The following SLC15A5 variants were observed in gnomAD, a reference collection of about 807,000 sequenced individuals.
The protein encoded by SLC15A5 is Peptide/histidine transporter ENSP00000340402.
SLC15A5 carries 58 observed loss-of-function variants against 56.1 expected under a neutral mutation model. The observed-to-expected ratio is 1.03, with a 90% CI of 0.84 to 1.29. The LOEUF is 1.29. SLC15A5 is among the 50% of genes most tolerant of loss of function. The pLI is 0.00. For missense variants in SLC15A5, 681 were observed against 672.1 expected, an observed-to-expected ratio of 1.01 and a Z score of -0.15; for synonymous variants, 264 against 250.5, an observed-to-expected ratio of 1.05 and a Z score of -0.51.
intron 7 of SLC15A5, among the ~76,000 whole-genome samples, chr12:16,207,507 T>C (rs982721004): frequency 2.6e-5 from 4 of 152,150 alleles, no homozygotes; most frequent in African/African-American, 9.7e-5. Flanking sequence ...CTTTAGGCTA[T>C]TTAAAAATCT....
intron 3 of SLC15A5, among the ~76,000 whole-genome samples, chr12:16,246,039 A>G (rs1014031682): frequency 2.8e-4 from 43 of 152,168 alleles, no homozygotes; most frequent in African/African-American, 9.9e-4. Context: ...GGAGCCTTTC[A>G]CCTCTAAGTC....
chr12:16,227,005 A>T (rs1226730555), intron 5 of SLC15A5, among the ~76,000 whole-genome samples: 1 of 152,168 alleles, frequency 6.6e-6, no homozygotes, highest in African/African-American at 2.4e-5. Context: ...GTTTTGGTTG[A>T]TAGAGAAACT....
At chr12:16,263,955 C>T (rs550934132) in intron 2 of SLC15A5, among the ~76,000 whole-genome samples, 1 of 152,346 alleles carries the variant, frequency 6.6e-6, no homozygotes, top group South Asian at 2.1e-4. Context: ...CTTGGACAAC[C>T]TCTGCTGGGG....
At chr12:16,275,012 C>T (rs1864801428) in intron 1 of SLC15A5, among the ~76,000 whole-genome samples, 1 of 152,058 alleles carries the variant, frequency 6.6e-6, no homozygotes, top group African/African-American at 2.4e-5. Context: ...TGTAGAAGCA[C>T]CATGATGTGT....
intron 3 of SLC15A5, among the ~76,000 whole-genome samples, chr12:16,245,681 G>A (rs745725958): frequency 2.6e-5 from 4 of 152,248 alleles, no homozygotes; most frequent in South Asian, 4.1e-4. Context: ...CAGAAATTAC[G>A]TAGACACCAA....
chr12:16,213,305 G>A (rs189697376), intron 7 of SLC15A5, among the ~76,000 whole-genome samples: 4 of 152,136 alleles, frequency 2.6e-5, no homozygotes, highest in Admixed American at 1.3e-4. Flanking sequence ...TCAGAACAAC[G>A]TAATATATTA....
intron 7 of SLC15A5, among the ~76,000 whole-genome samples, chr12:16,198,855 C>T (rs1232993401): frequency 1.3e-5 from 2 of 152,102 alleles, no homozygotes; most frequent in African/African-American, 2.4e-5. Context: ...CAGTTTATTT[C>T]TCTTCTATCT....
At chr12:16,191,071 C>T (rs1434031736) in intron 8 of SLC15A5, among the ~76,000 whole-genome samples, 1 of 152,068 alleles carries the variant, frequency 6.6e-6, no homozygotes, top group Non-Finnish European at 1.5e-5. Context: ...ACTTCCTTCA[C>T]CCCTAAACTG....
intron 2 of SLC15A5, among the ~76,000 whole-genome samples, chr12:16,266,294 CT>C (rs139592908): frequency 0.17 from 26,019 of 152,132 alleles, 2,568 homozygotes; most frequent in Non-Finnish European, 0.22. Context: ...TTAGGAAACT[CT>C]TTTTAAAAAG....
intron 5 of SLC15A5, among the ~76,000 whole-genome samples, chr12:16,226,104 C>G (rs1407970934): frequency 6.6e-6 from 1 of 152,200 alleles, no homozygotes; most frequent in Non-Finnish European, 1.5e-5. Flanking sequence ...CACCAAAATT[C>G]CTGCTGCTCA....
At chr12:16,211,557 A>C (rs891965070) in intron 7 of SLC15A5, among the ~76,000 whole-genome samples, 4 of 152,178 alleles carry the variant, frequency 2.6e-5, no homozygotes, top group Non-Finnish European at 5.9e-5. Flanking sequence ...GTCCATAACT[A>C]AGATGTCATT....
chr12:16,227,274 C>T (rs1405054408), intron 5 of SLC15A5, among the ~76,000 whole-genome samples: 1 of 152,156 alleles, frequency 6.6e-6, no homozygotes. Flanking sequence ...GATTTTAAGA[C>T]CAAATTCATT....
chr12:16,194,683 C>T (rs1405516), intron 7 of SLC15A5, among the ~76,000 whole-genome samples: 73,102 of 151,832 alleles, frequency 0.48, 18,083 homozygotes, highest in South Asian at 0.72. Flanking sequence ...TAATTTGCAT[C>T]GCACAAATAT....
chr12:16,200,391 A>C (rs1359122991), intron 7 of SLC15A5, among the ~76,000 whole-genome samples: 1 of 151,996 alleles, frequency 6.6e-6, no homozygotes, highest in Non-Finnish European at 1.5e-5. Context: ...GAAATCATAA[A>C]AAAATCTGTT....
At chr12:16,205,596 T>TACAC (rs56313529) in intron 7 of SLC15A5, among the ~76,000 whole-genome samples, 3 of 87,716 alleles carry the variant, frequency 3.4e-5, no homozygotes, top group Non-Finnish European at 4.7e-5. Flanking sequence ...TATATACATA[T>TACAC]ACACACACAC....
At chr12:16,238,943 A>T (rs1864381943) in intron 5 of SLC15A5, among the ~76,000 whole-genome samples, 1 of 152,266 alleles carries the variant, frequency 6.6e-6, no homozygotes, top group African/African-American at 2.4e-5. Flanking sequence ...GAACAAAATG[A>T]TCCAAAATTT....
chr12:16,270,350 C>G (rs747755202), intron 2 of SLC15A5, among the ~76,000 whole-genome samples: 1 of 152,080 alleles, frequency 6.6e-6, no homozygotes, highest in Non-Finnish European at 1.5e-5. Flanking sequence ...GTTACAGATT[C>G]AAGGGGTATG....
At chr12:16,210,242 T>C (rs1798689) in intron 7 of SLC15A5, among the ~76,000 whole-genome samples, 29,506 of 152,108 alleles carry the variant, frequency 0.19, 3,025 homozygotes, top group East Asian at 0.3. Context: ...CTAGTATGCA[T>C]GTGCATGTGT....
At chr12:16,266,934 GA>G (rs1414653167) in intron 2 of SLC15A5, among the ~76,000 whole-genome samples, 1 of 152,154 alleles carries the variant, frequency 6.6e-6, no homozygotes, top group Non-Finnish European at 1.5e-5. Flanking sequence ...GCATGGTATT[GA>G]ATACAAATGA....
Sources: gnomAD v4.1 joint callset for allele counts (sites outside exome capture counted in the v4.1 genomes callset) on GRCh38, gnomAD v4.1.1 for gene constraint, MANE v1.5 for transcripts, NCBI Gene and HGNC (gene_info 2026-07-23, HGNC 2026-07-21) for gene names.